Variants in GRM7 observed in about 807,000 individuals in gnomAD.
GRM7 encodes the protein glutamate metabotropic receptor 7.
GRM7 carries 35 observed loss-of-function variants against 84.5 expected under a neutral mutation model. That is an observed-to-expected ratio of 0.41 (90% CI 0.32 to 0.55). The LOEUF is 0.55. Ranked by LOEUF, GRM7 falls within the 20% of genes least tolerant of loss-of-function variation. The pLI is 0.19. For missense variants in GRM7, 1,003 were observed against 1,194.6 expected, an observed-to-expected ratio of 0.84 and a Z score of 2.36; for synonymous variants, 487 against 455.1, an observed-to-expected ratio of 1.07 and a Z score of -0.89.
chr3:7,141,870 A>T (rs1693955550), intron 1 of GRM7, among the ~76,000 whole-genome samples: 1 of 152,142 alleles, frequency 6.6e-6, no homozygotes. Context: ...GTAGTTAACC[A>T]TTTGGAAGGA....
chr3:6,867,382 T>C (rs1694973450), intron 1 of GRM7, among the ~76,000 whole-genome samples: 1 of 152,180 alleles, frequency 6.6e-6, no homozygotes, highest in Non-Finnish European at 1.5e-5. Flanking sequence ...TCAGCCTTTG[T>C]GATCACATCT....
intron 2 of GRM7, among the ~76,000 whole-genome samples, chr3:7,206,207 G>A (rs7631230): frequency 0.065 from 9,907 of 152,098 alleles, 897 homozygotes; most frequent in African/African-American, 0.21. Context: ...CTCATTAGAA[G>A]GCAGATAGGG....
At chr3:7,379,150 G>A (rs1247869619) in intron 4 of GRM7, among the ~76,000 whole-genome samples, 1 of 152,130 alleles carries the variant, frequency 6.6e-6, no homozygotes, top group Non-Finnish European at 1.5e-5. Flanking sequence ...TTGGCTCACT[G>A]CAACCTCTGC....
intron 7 of GRM7, among the ~76,000 whole-genome samples, chr3:7,550,994 G>A (rs866052373): frequency 3.3e-5 from 5 of 152,124 alleles, no homozygotes; most frequent in Non-Finnish European, 5.9e-5. Flanking sequence ...ATCTTCCTAT[G>A]GGTTAGTTAA....
chr3:7,015,506 C>T (rs1395745350), intron 1 of GRM7, among the ~76,000 whole-genome samples: 1 of 152,160 alleles, frequency 6.6e-6, no homozygotes, highest in African/African-American at 2.4e-5. Flanking sequence ...TGCTACATAA[C>T]AAATTAATGC....
chr3:7,644,986 G>T (rs1285776746), intron 8 of GRM7, among the ~76,000 whole-genome samples: 1 of 151,946 alleles, frequency 6.6e-6, no homozygotes, highest in Non-Finnish European at 1.5e-5. Flanking sequence ...CATTGACCAG[G>T]AACATCTTTC....
At chr3:7,047,154 G>A (rs1376166466) in intron 1 of GRM7, among the ~76,000 whole-genome samples, 1 of 151,794 alleles carries the variant, frequency 6.6e-6, no homozygotes, top group African/African-American at 2.4e-5. Context: ...AATAAAGTTT[G>A]TTGGAAAATA....
chr3:7,046,338 C>T (rs995888237), intron 1 of GRM7, among the ~76,000 whole-genome samples: 3 of 152,114 alleles, frequency 2.0e-5, no homozygotes, highest in Non-Finnish European at 4.4e-5. Context: ...AAAGAGTCTG[C>T]TGAGCTGGAG....
chr3:6,977,318 T>A (rs1694038568), intron 1 of GRM7, among the ~76,000 whole-genome samples: 2 of 152,098 alleles, frequency 1.3e-5, no homozygotes, highest in African/African-American at 4.8e-5. Flanking sequence ...CACTTACTAT[T>A]CCCTTATCTA....
intron 1 of GRM7, among the ~76,000 whole-genome samples, chr3:6,949,999 G>A (rs568776130): frequency 1.6e-4 from 25 of 152,108 alleles, no homozygotes; most frequent in African/African-American, 2.9e-4. Flanking sequence ...CCGTTGGTTC[G>A]AACTTCCTTC....
chr3:7,264,894 T>C (rs1341051264), intron 2 of GRM7, among the ~76,000 whole-genome samples: 3 of 152,224 alleles, frequency 2.0e-5, no homozygotes, highest in Admixed American at 2.0e-4. Flanking sequence ...ACCTTCCTGC[T>C]ATAGAGTTGA....
At chr3:7,037,268 G>C (rs1284442074) in intron 1 of GRM7, among the ~76,000 whole-genome samples, 2 of 152,148 alleles carry the variant, frequency 1.3e-5, no homozygotes, top group Non-Finnish European at 2.9e-5. Flanking sequence ...TATTAGGCCA[G>C]TGCAAAAGTA....
At chr3:7,102,550 C>T (rs1699147928) in intron 1 of GRM7, among the ~76,000 whole-genome samples, 1 of 151,702 alleles carries the variant, frequency 6.6e-6, no homozygotes, top group Admixed American at 6.6e-5. Context: ...ATTTATCCTG[C>T]TTAGAGTTTG....
At chr3:7,197,676 G>T (rs1402027816) in intron 2 of GRM7, among the ~76,000 whole-genome samples, 1 of 148,686 alleles carries the variant, frequency 6.7e-6, no homozygotes, top group African/African-American at 2.5e-5. Flanking sequence ...AACATCCCAA[G>T]GAAAAAATAC....
chr3:6,956,589 TCA>T (rs1693064631), intron 1 of GRM7: 1 of 456,624 alleles, frequency 2.2e-6, no homozygotes, highest in Admixed American at 2.3e-5. Flanking sequence ...CTATCCTGTC[TCA>T]GTTTCCCAAT....
chr3:7,292,154 C>T (rs1699654716), intron 2 of GRM7, among the ~76,000 whole-genome samples: 1 of 152,168 alleles, frequency 6.6e-6, no homozygotes, highest in Non-Finnish European at 1.5e-5. Flanking sequence ...CACACTAATA[C>T]AGGAGGGTTG....
At chr3:7,731,067 A>C (rs965122942) in intron 9 of GRM7, among the ~76,000 whole-genome samples, 1 of 145,868 alleles carries the variant, frequency 6.9e-6, no homozygotes, top group Non-Finnish European at 1.5e-5. Flanking sequence ...TTAAAGTACA[A>C]ATTAGTTTTT....
intron 4 of GRM7, among the ~76,000 whole-genome samples, chr3:7,346,607 T>G (rs972788833): frequency 6.6e-6 from 1 of 152,142 alleles, no homozygotes; most frequent in Non-Finnish European, 1.5e-5. Context: ...GAACCATGTT[T>G]TCATGTGTGT....
chr3:7,052,055 C>A (rs1470515256), intron 1 of GRM7, among the ~76,000 whole-genome samples: 1 of 151,512 alleles, frequency 6.6e-6, no homozygotes, highest in African/African-American at 2.4e-5. Flanking sequence ...AGGAAAAAGT[C>A]ATCTCATTGG....
Sources: allele counts gnomAD v4.1 joint callset (sites outside exome capture counted in the v4.1 genomes callset), GRCh38; gene constraint gnomAD v4.1.1; transcripts MANE v1.5; gene names NCBI Gene and HGNC (gene_info 2026-07-23, HGNC 2026-07-21).